The following NAV1 variants were observed in gnomAD, a reference collection of about 807,000 sequenced individuals.
NAV1 encodes the protein pore membrane and/or filament interacting like protein 3.
In NAV1, 18 loss-of-function variants were observed where a neutral mutation model predicts 175.2. That is an observed-to-expected ratio of 0.10 (90% CI 0.07 to 0.15). The LOEUF (loss-of-function observed/expected upper bound fraction) is 0.15. NAV1 is among the 10% of genes least tolerant of loss of function. NAV1 has a pLI of 1.00. For synonymous variants in NAV1, 897 were observed against 978.7 expected (o/e 0.92, Z 1.56); for missense variants, 1,731 against 2,436.6 (o/e 0.71, Z 6.10).
Position 201,553,165 on chromosome 1 carries a change from C to T in NAV1, c.-144+13823C>T, listed in dbSNP as rs1571817216. Among the ~76,000 whole-genome samples, 6 of 152,226 alleles carry T rather than the reference C, an allele frequency of 3.9e-5. No homozygotes were observed. The South Asian group carries it at 8.3e-4, about 21-fold the overall frequency. On this transcript the variant is annotated intron_variant, in intron 1 of 33. Transcript: ENST00000685211. ...GGTGGGAGATTTGAAATGATAAACT[C>T]GAGGCTTGTGAGCCAAAATACAGGC...
chr1:201,763,259 A>G lies in NAV1; in HGVS notation c.1227-17162A>G, dbSNP rs1296347542. Among the ~76,000 whole-genome samples, 11 of 152,234 alleles carry G rather than the reference A, an allele frequency of 7.2e-5. No individual in the cohort carries two copies. The East Asian group carries it at 1.9e-3, about 27-fold the overall frequency. On this transcript the variant is annotated intron_variant, in intron 3 of 29. Transcript: ENST00000367296. ...GGGAAATTGAGGCTAAGACAAGTACACTAACTCAACTGTAGTAATAGCGAC... is the reference window on the plus strand; with the variant it reads ...GGGAAATTGAGGCTAAGACAAGTACGCTAACTCAACTGTAGTAATAGCGAC...
intron 2 of NAV1, among the ~76,000 whole-genome samples, chr1:201,595,075 C>T (rs1667315407): frequency 6.6e-6 from 1 of 152,230 alleles, no homozygotes. Flanking sequence ...CGCCTGAGGA[C>T]TGTATCCAAG....
chr1:201,641,305 T>C (rs1285958131), intron 2 of NAV1, among the ~76,000 whole-genome samples: 1 of 152,182 alleles, frequency 6.6e-6, no homozygotes, highest in Non-Finnish European at 1.5e-5. Flanking sequence ...CAAGCCACCA[T>C]CATCTCTCAC....
In NAV1 at chr1:201,802,136, C is replaced by CAAAAAAAAA. The variant is rs771631007; in HGVS notation, c.3518-1446_3518-1438dup. The stretch of plus-strand genomic sequence containing the variant: ...TGGGCGACAGAGCGAGACTCCGTCT[C>CAAAAAAAAA]AAAAAAAAAAAAAAAAAAATTAGCC... On this transcript the variant is annotated intron_variant, in intron 15 of 29. Coordinates refer to ENST00000367296, the Ensembl canonical transcript of NAV1. 5.4e-3 allele frequency among the ~76,000 whole-genome samples: 110 copies of CAAAAAAAAA among 20,240 alleles called. 1 individual carries two copies. The highest frequency in any genetic ancestry group is 0.011 in the African/African-American group (96 of 8,898). The allele number at this position is 20,240 out of a possible 152,430, so 13.3% of individuals were successfully genotyped here.
At chr1:201,546,545 T>A (rs986467099) in intron 1 of NAV1, among the ~76,000 whole-genome samples, 1 of 152,176 alleles carries the variant, frequency 6.6e-6, no homozygotes, top group Non-Finnish European at 1.5e-5. Context: ...ATTCACTGAT[T>A]GTTGACATTT....
chr1:201,723,709 G>A (rs1044021953), intron 3 of NAV1: 3 of 152,168 alleles, frequency 2.0e-5, no homozygotes, highest in Non-Finnish European at 4.4e-5. Flanking sequence ...CTTATCTACA[G>A]TATCCCTGAC....
chr1:201,710,288 TC>T (rs1395809589), intron 1 of NAV1, among the ~76,000 whole-genome samples: 2 of 151,786 alleles, frequency 1.3e-5, no homozygotes, highest in Non-Finnish European at 2.9e-5. Flanking sequence ...CTAAGCATCT[TC>T]TTTGTTTTTT....
intron 3 of NAV1, chr1:201,739,430 C>G (rs1673259681): frequency 1.3e-5 from 2 of 152,398 alleles, no homozygotes; most frequent in South Asian, 4.1e-4. Flanking sequence ...ACCCATGCTC[C>G]GATTTTTAGA....
intron 2 of NAV1, among the ~76,000 whole-genome samples, chr1:201,590,633 A>G (rs1437586745): frequency 6.6e-6 from 1 of 152,166 alleles, no homozygotes; most frequent in East Asian, 1.9e-4. Flanking sequence ...CCAGCTGAGG[A>G]AGGGCTGCAG....
At chr1:201,686,180 C>A (rs609480) in intron 1 of NAV1, among the ~76,000 whole-genome samples, 125,549 of 151,462 alleles carry the variant, frequency 0.83, 52,230 homozygotes, top group East Asian at 0.93. Context: ...CAGAGAAATC[C>A]AGGCACCCAT....
At chr1:201,579,824 G>C (rs1164391317) in intron 1 of NAV1, among the ~76,000 whole-genome samples, 1 of 152,198 alleles carries the variant, frequency 6.6e-6, no homozygotes, top group African/African-American at 2.4e-5. Context: ...AGATACACGA[G>C]AGGGGATTTA....
rs1207908468 is a variant in NAV1 at position 201,694,001 on chromosome 1, CTG to C, written c.758-18814_758-18813del. Among the ~76,000 whole-genome samples the C allele has an allele frequency of 6.6e-6, 1 of 152,246 alleles. No homozygotes were observed. The highest frequency in any genetic ancestry group is 1.5e-5 in the Non-Finnish European group (1 of 68,040). ...GGCCTCCAGCCAGGGCTTGGTGCTC[CTG>C]TACAAAATTCTGTCTCCACAGTGTG... On this transcript the variant is annotated intron_variant, in intron 1 of 29. Coordinates refer to ENST00000367296, the Ensembl canonical transcript of NAV1. The surrounding 1 kb of genome is among the most constrained non-coding windows in gnomAD (Gnocchi z 4.2).
At chr1:201,790,950 A>C in intron 13 of NAV1, 184 bp downstream of exon 17, 1 of 611,824 alleles carries the variant, frequency 1.6e-6, no homozygotes, top group Non-Finnish European at 2.9e-6. Flanking sequence ...CTGAGCCTCA[A>C]CTTTTATGAA....
intron 3 of NAV1, among the ~76,000 whole-genome samples, chr1:201,752,411 G>A (rs1256209384): frequency 2.0e-5 from 3 of 152,302 alleles, no homozygotes; most frequent in African/African-American, 7.2e-5. Flanking sequence ...CTTAGTGGGG[G>A]AGGAAGCTAT....
At chr1:201,737,910 C>G (rs1316344397) in intron 3 of NAV1, among the ~76,000 whole-genome samples, 1 of 152,104 alleles carries the variant, frequency 6.6e-6, no homozygotes, top group Admixed American at 6.5e-5. Context: ...GTAAGCTGTT[C>G]CCCAGATGAC....
chr1:201,632,920 C>T (rs1668518984), intron 2 of NAV1, among the ~76,000 whole-genome samples: 1 of 152,182 alleles, frequency 6.6e-6, no homozygotes, highest in Admixed American at 6.5e-5. Flanking sequence ...AGTATTCATT[C>T]TAAGAGAACT....
At chr1:201,563,750 G>A (rs1666274567) in intron 1 of NAV1, among the ~76,000 whole-genome samples, 1 of 152,214 alleles carries the variant, frequency 6.6e-6, no homozygotes, top group Non-Finnish European at 1.5e-5. Context: ...GCCCTGACAA[G>A]CAGAAGCTTT....
chr1:201,753,610 T>A (rs985938212), intron 3 of NAV1, among the ~76,000 whole-genome samples: 2 of 152,218 alleles, frequency 1.3e-5, no homozygotes, highest in Admixed American at 1.3e-4. Context: ...TTTCATTGGC[T>A]AGGATAAATG....
At chr1:201,605,049 GT>G (rs138276861) in intron 2 of NAV1, among the ~76,000 whole-genome samples, 20,891 of 151,706 alleles carry the variant, frequency 0.14, 1,900 homozygotes, top group Non-Finnish European at 0.2. Context: ...GTTTTGCTTT[GT>G]TGTTTTTACT....
Sources: gnomAD v4.1 joint callset for allele counts (sites outside exome capture counted in the v4.1 genomes callset) on GRCh38, gnomAD v4.1.1 for gene constraint, Gnocchi (gnomAD v3.1) non-coding constraint, MANE v1.5 for transcripts, NCBI Gene and HGNC (gene_info 2026-07-23, HGNC 2026-07-21) for gene names.